BACH2: variants seen among roughly 807,000 people sequenced by gnomAD.
BACH2 encodes transcription regulator protein BACH2.
Under a neutral mutation model 61.8 loss-of-function variants are expected in BACH2, and 5 were observed. That is an observed-to-expected ratio of 0.08 (90% confidence interval 0.04 to 0.17). The LOEUF is 0.17. BACH2 is among the 10% of genes least tolerant of loss of function. The probability of loss-of-function intolerance (pLI) is 1.00; values close to 1 mark genes in which losing one functional copy is unlikely to be tolerated. For synonymous variants in BACH2, 446 were observed against 440.1 expected (o/e 1.01, Z -0.17); for missense variants, 824 against 1,091.1 (o/e 0.76, Z 3.45).
intron 1 of BACH2, among the ~76,000 whole-genome samples, chr6:90,290,468 G>T (rs1197421278): frequency 6.6e-6 from 1 of 152,216 alleles, no homozygotes; most frequent in Non-Finnish European, 1.5e-5. Context: ...TTTGTTTAAT[G>T]AATGAATGAG....
At position 89,950,701 on chromosome 6, in the gene BACH2, C is replaced by T; in HGVS notation, c.1405G>A (p.Gly469Arg). ...GAGCTGGGGAGGGACTGGCCGGCTC[C>T]CACCCACAGACCCTTTGGCACCGGC... Reference protein sequence around the residue: ...SEPVPKGLWVGAGQSLPSSQA... With the variant: ...SEPVPKGLWVRAGQSLPSSQA... Residue 469 changes from glycine (G) to arginine (R), a missense_variant, in exon 7 of 9, where the codon GGA becomes AGA. Gly to Arg is a moderately radical substitution (Grantham distance 125, BLOSUM62 -2). Transcript: ENST00000257749. This position sits in a 1 kb window ranked among gnomAD's most constrained non-coding sequence, Gnocchi z 5.3. 1 of 1,614,152 alleles carries T rather than the reference C, an allele frequency of 6.2e-7. No homozygotes were observed. Among genetic ancestry groups the T allele is most frequent in the Non-Finnish European group, 8.5e-7 (1 of 1,180,018 alleles).
intron 1 of BACH2, among the ~76,000 whole-genome samples, chr6:90,295,654 G>GGGGTGT (rs377584550): frequency 1.1e-3 from 157 of 147,826 alleles, no homozygotes; most frequent in African/African-American, 3.7e-3. Context: ...TGGAGTGTAG[G>GGGGTGT]GTGTGTGTGT....
intron 4 of BACH2, among the ~76,000 whole-genome samples, chr6:90,164,608 C>A (rs999174367): frequency 2.1e-4 from 32 of 152,066 alleles, no homozygotes; most frequent in Admixed American, 1.9e-3. Flanking sequence ...GAGTCACAAC[C>A]AAAAAAGAGA....
intron 4 of BACH2, among the ~76,000 whole-genome samples, chr6:90,122,358 G>A (rs2127820159): frequency 6.6e-6 from 1 of 152,242 alleles, no homozygotes; most frequent in Middle Eastern, 3.4e-3. Flanking sequence ...ACAGGCTTGT[G>A]GCAGTCTCAG....
At chr6:90,048,727 T>C (rs1779903538) in intron 5 of BACH2, among the ~76,000 whole-genome samples, 1 of 152,240 alleles carries the variant, frequency 6.6e-6, no homozygotes, top group African/African-American at 2.4e-5. Flanking sequence ...ACTTTCTGAA[T>C]GACTACTGCC....
At chr6:90,055,120 G>C (rs924351104) in intron 5 of BACH2, among the ~76,000 whole-genome samples, 1 of 152,212 alleles carries the variant, frequency 6.6e-6, no homozygotes, top group African/African-American at 2.4e-5. Context: ...AAAGCTGGAT[G>C]GAGAATGACT....
At chr6:90,169,859 A>G (rs1187676421) in intron 4 of BACH2, among the ~76,000 whole-genome samples, 7 of 152,188 alleles carry the variant, frequency 4.6e-5, no homozygotes, top group Non-Finnish European at 8.8e-5. Flanking sequence ...ACAGATATTT[A>G]GCCCCCTTTG....
chr6:90,073,350 A>G (rs1781327220), intron 5 of BACH2, among the ~76,000 whole-genome samples: 1 of 152,244 alleles, frequency 6.6e-6, no homozygotes, highest in African/African-American at 2.4e-5. Flanking sequence ...ATAATTAAAG[A>G]TGACCTAACA....
At chr6:90,116,095 T>C (rs1783386085) in intron 4 of BACH2, among the ~76,000 whole-genome samples, 1 of 152,182 alleles carries the variant, frequency 6.6e-6, no homozygotes, top group African/African-American at 2.4e-5. Flanking sequence ...GAAAGCTGTA[T>C]GGCAATTCCT....
chr6:90,078,398 T>C (rs1423932530), intron 5 of BACH2, among the ~76,000 whole-genome samples: 4 of 152,140 alleles, frequency 2.6e-5, no homozygotes, highest in Admixed American at 6.5e-5. Flanking sequence ...GAGGCTTACA[T>C]TGTGCTAACT....
chr6:90,283,269 G>A (rs545976045), intron 1 of BACH2, among the ~76,000 whole-genome samples: 3 of 152,184 alleles, frequency 2.0e-5, no homozygotes, highest in Non-Finnish European at 2.9e-5. Context: ...TGCCACAAAC[G>A]TCTTTACCAC....
chr6:90,073,307 G>C (rs1781324283), intron 5 of BACH2, among the ~76,000 whole-genome samples: 1 of 152,194 alleles, frequency 6.6e-6, no homozygotes, highest in Non-Finnish European at 1.5e-5. Context: ...AATCTAATCT[G>C]GTACTGATTT....
chr6:90,208,534 A>G, intron 3 of BACH2, among the ~76,000 whole-genome samples: 1 of 152,370 alleles, frequency 6.6e-6, no homozygotes, highest in East Asian at 1.9e-4. Context: ...AATGGTGATC[A>G]TTAAAAAGTC....
chr6:90,015,358 G>A (rs1562371118), intron 5 of BACH2, among the ~76,000 whole-genome samples: 1 of 151,828 alleles, frequency 6.6e-6, no homozygotes, highest in Non-Finnish European at 1.5e-5. Context: ...AGTTTCCTAA[G>A]GTGGTAGTTG....
At chr6:90,184,657 G>C (rs919436667) in intron 4 of BACH2, among the ~76,000 whole-genome samples, 1 of 152,168 alleles carries the variant, frequency 6.6e-6, no homozygotes, top group Admixed American at 6.5e-5. Flanking sequence ...TAATACAAGG[G>C]GTAAGCCCTA....
intron 1 of BACH2, among the ~76,000 whole-genome samples, chr6:90,292,248 G>A (rs932675554): frequency 3.3e-5 from 5 of 152,184 alleles, no homozygotes; most frequent in Admixed American, 2.0e-4. Flanking sequence ...GGGCAGGCAC[G>A]ACACCTACTT....
chr6:90,134,053 C>T (rs929703232), intron 4 of BACH2, among the ~76,000 whole-genome samples: 1 of 152,058 alleles, frequency 6.6e-6, no homozygotes. Flanking sequence ...GGGTATATAC[C>T]CAGTAATGGG....
chr6:90,005,345 G>T (rs1178836939), intron 6 of BACH2, among the ~76,000 whole-genome samples: 2 of 151,534 alleles, frequency 1.3e-5, no homozygotes, highest in African/African-American at 2.4e-5. Context: ...CTAAGAGGAG[G>T]GCAGGGCCAG....
rs1330923578 is a variant in BACH2 at position 90,100,755 on chromosome 6, T to C, written c.-161-11646A>G. Among the ~76,000 whole-genome samples the C allele has an allele frequency of 3.7e-4, 23 of 63,002 alleles. No individual in the cohort carries two copies. In the Admixed American group the frequency reaches 4.2e-3, roughly 11 times the overall value. The allele number at this position is 63,002 out of a possible 152,430, so 41.3% of individuals were successfully genotyped here. A position where few individuals can be genotyped will look rare whatever the true frequency, so the allele number is the denominator to read the frequency against. ...CACACACACACACACACACACCCTCTATTGGTTCTATTCTCTGCAGAACCC... is the reference window on the plus strand; with the variant it reads ...CACACACACACACACACACACCCTCCATTGGTTCTATTCTCTGCAGAACCC... On this transcript the variant is annotated intron_variant, in intron 4 of 8. Coordinates refer to ENST00000257749, the MANE Select transcript of BACH2 (RefSeq NM_021813.4).
Sources: allele counts gnomAD v4.1 joint callset (sites outside exome capture counted in the v4.1 genomes callset), GRCh38; gene constraint gnomAD v4.1.1; non-coding constraint Gnocchi (gnomAD v3.1); transcripts MANE v1.5; gene names NCBI Gene and HGNC (gene_info 2026-07-23, HGNC 2026-07-21).